The following GRIA4 variants were observed in gnomAD, a reference collection of about 807,000 sequenced individuals.
GRIA4 encodes glutamate receptor 4.
GRIA4 carries 34 observed loss-of-function variants against 104.0 expected under a neutral mutation model. That is an observed-to-expected ratio of 0.33 (90% CI 0.25 to 0.44). The LOEUF is 0.44. Among genes scored for constraint, GRIA4 ranks in the 20% least tolerant of loss-of-function variants. GRIA4 has a pLI of 1.00. For synonymous variants in GRIA4, 386 were observed against 381.9 expected (o/e 1.01, Z -0.13); for missense variants, 750 against 1,096.5 (o/e 0.68, Z 4.46).
chr11:105,927,012 C>T (rs754277443), intron 13 of GRIA4, 73 bp downstream of exon 13: 2 of 934,450 alleles, frequency 2.1e-6, no homozygotes, highest in Non-Finnish European at 3.4e-6. Flanking sequence ...AACAATTATA[C>T]CATGGGCTTT....
At chr11:105,620,099 C>T (rs1950702958) in intron 3 of GRIA4, among the ~76,000 whole-genome samples, 1 of 151,852 alleles carries the variant, frequency 6.6e-6, no homozygotes, top group Admixed American at 6.6e-5. Flanking sequence ...CTACCATCAC[C>T]ACTCCTGGAA....
chr11:105,645,475 C>A (rs1308062406), intron 3 of GRIA4, among the ~76,000 whole-genome samples: 3 of 152,150 alleles, frequency 2.0e-5, no homozygotes, highest in Non-Finnish European at 4.4e-5. Context: ...CCGACAGCAT[C>A]TGTTTCAACA....
intron 4 of GRIA4, among the ~76,000 whole-genome samples, chr11:105,823,350 G>C (rs1445786535): frequency 1.3e-5 from 2 of 151,970 alleles, no homozygotes; most frequent in Non-Finnish European, 2.9e-5. Context: ...TCTTCTACAA[G>C]AACAGGCAAG....
intron 14 of GRIA4, among the ~76,000 whole-genome samples, chr11:105,944,656 T>C (rs1164290978): frequency 1.3e-5 from 2 of 152,170 alleles, no homozygotes; most frequent in South Asian, 2.1e-4. Context: ...TTGATCCCCC[T>C]AACTCCTTGT....
intron 14 of GRIA4, among the ~76,000 whole-genome samples, chr11:105,959,799 T>G (rs1948688824): frequency 6.6e-6 from 1 of 152,186 alleles, no homozygotes; most frequent in Non-Finnish European, 1.5e-5. Flanking sequence ...GGGGACTTTT[T>G]GTTGTTGTTG....
chr11:105,622,192 C>CT (rs1565408953), intron 3 of GRIA4, among the ~76,000 whole-genome samples: 1 of 151,748 alleles, frequency 6.6e-6, no homozygotes, highest in African/African-American at 2.4e-5. Flanking sequence ...TTCTTTATGG[C>CT]TTCAGGGTGT....
In GRIA4 at chr11:105,979,979, G is replaced by C. The variant is rs1469418816; in HGVS notation, c.*240G>C. 4.8e-6 allele frequency: 2 copies of C among 418,262 alleles called. No homozygotes were observed. Among genetic ancestry groups the C allele is most frequent in the East Asian group, 7.5e-5 (2 of 26,744 alleles). The allele number at this position is 418,262 out of a possible 1,614,324, so 25.9% of individuals were successfully genotyped here. ...ACAATTGAGGTTTTTTTCGGGGAGTGGGTGGGGGAGGGATCTGGGATGGGT... is the reference window on the plus strand; with the variant it reads ...ACAATTGAGGTTTTTTTCGGGGAGTCGGTGGGGGAGGGATCTGGGATGGGT... On this transcript the variant is annotated 3_prime_UTR_variant, in exon 17 of 17. Transcript: ENST00000282499.
At chr11:105,754,634 G>A (rs1363616648) in intron 4 of GRIA4, among the ~76,000 whole-genome samples, 2 of 152,126 alleles carry the variant, frequency 1.3e-5, no homozygotes, top group Admixed American at 6.6e-5. Context: ...TTTTTCAGCT[G>A]GAGGAACAAC....
chr11:105,948,757 C>T (rs1176326983), intron 14 of GRIA4, among the ~76,000 whole-genome samples: 3 of 151,754 alleles, frequency 2.0e-5, no homozygotes, highest in Middle Eastern at 3.2e-3. Flanking sequence ...AGGTGTCTGC[C>T]ACCACACTGA....
In GRIA4 at chr11:105,926,732, C is replaced by T; in HGVS notation, c.1848-9C>T. On this transcript the variant is annotated splice_polypyrimidine_tract_variant and intron_variant, in intron 12 of 16. Transcript: ENST00000282499. ...AAAGGAAAATGTGCATTATTTTATC[C>T]ATGTTTAGATCCCTCTCAGGTCGAA... 2.6e-6 allele frequency: 4 copies of T among 1,554,720 alleles called. No individual in the cohort carries two copies. The highest frequency in any genetic ancestry group is 3.5e-6 in the Non-Finnish European group (4 of 1,126,900).
intron 4 of GRIA4, among the ~76,000 whole-genome samples, chr11:105,831,712 T>C (rs767641552): frequency 2.6e-5 from 4 of 151,938 alleles, no homozygotes; most frequent in Non-Finnish European, 5.9e-5. Flanking sequence ...TTCTCTATTG[T>C]AGGAAATCAA....
intron 3 of GRIA4, among the ~76,000 whole-genome samples, chr11:105,651,165 T>C (rs1220843232): frequency 6.6e-6 from 1 of 152,180 alleles, no homozygotes; most frequent in Non-Finnish European, 1.5e-5. Flanking sequence ...AAAAGATGAA[T>C]TTTTATGCCT....
intron 4 of GRIA4, among the ~76,000 whole-genome samples, chr11:105,801,055 A>T (rs1026839802): frequency 7.2e-5 from 11 of 151,890 alleles, no homozygotes; most frequent in Non-Finnish European, 1.5e-5. Context: ...TAGAAACATT[A>T]AATCCTAATA....
rs566155555 is a variant in GRIA4 at position 105,976,354 on chromosome 11, AAGG to A, written c.2544+1913_2544+1915del. On this transcript the variant is annotated intron_variant, in intron 16 of 16. Transcript: ENST00000282499. ...TTTCAAAGTTCAGGGAAGTTATTAAAAGGAGATGTAAATTCCCACGTCATATAT... is the reference window on the plus strand; with the variant it reads ...TTTCAAAGTTCAGGGAAGTTATTAAAAGATGTAAATTCCCACGTCATATAT... Among the ~76,000 whole-genome samples, 316 of 152,182 alleles carry A rather than the reference AAGG, an allele frequency of 2.1e-3. 3 individuals carry two copies. The highest frequency in any genetic ancestry group is 7.2e-3 in the African/African-American group (300 of 41,574).
At chr11:105,623,519 C>T (rs1950808566) in intron 3 of GRIA4, among the ~76,000 whole-genome samples, 1 of 152,000 alleles carries the variant, frequency 6.6e-6, no homozygotes, top group African/African-American at 2.4e-5. Flanking sequence ...CTCTTGCCTG[C>T]TTCTTTGTCT....
At chr11:105,889,797 G>C (rs1946396397) in intron 6 of GRIA4, among the ~76,000 whole-genome samples, 2 of 152,142 alleles carry the variant, frequency 1.3e-5, no homozygotes, top group African/African-American at 4.8e-5. Context: ...AATATTTATA[G>C]AACTAGTAAG....
At chr11:105,612,111 A>G (rs766053932) in intron 2 of GRIA4, among the ~76,000 whole-genome samples, 165 bp from the exon 3 acceptor site, 5 of 152,172 alleles carry the variant, frequency 3.3e-5, no homozygotes, top group Admixed American at 1.3e-4. Flanking sequence ...AAGACTAAAT[A>G]CTAAGCATGC....
intron 4 of GRIA4, chr11:105,824,892 T>C (rs1943710479): frequency 6.6e-6 from 1 of 152,082 alleles, no homozygotes; most frequent in Admixed American, 6.6e-5. Context: ...AGTATAATGA[T>C]GCCTCTAGGG....
chr11:105,661,079 T>G (rs1469361283), intron 3 of GRIA4, among the ~76,000 whole-genome samples: 1 of 151,532 alleles, frequency 6.6e-6, no homozygotes, highest in East Asian at 1.9e-4. Flanking sequence ...CTAACACCAA[T>G]TTTCAAAGTG....
Sources: gnomAD v4.1 joint callset for allele counts (sites outside exome capture counted in the v4.1 genomes callset) on GRCh38, gnomAD v4.1.1 for gene constraint, MANE v1.5 for transcripts, NCBI Gene and HGNC (gene_info 2026-07-23, HGNC 2026-07-21) for gene names.